TNFRSF13C: variants seen among roughly 807,000 people sequenced by gnomAD.
The protein encoded by TNFRSF13C is TNF receptor superfamily member 13C, also known as tumor necrosis factor receptor superfamily member 13C.
A neutral mutation model predicts 12.1 loss-of-function variants in TNFRSF13C; 7 were observed. The ratio of observed to expected loss-of-function variants is 0.58; its 90% CI spans 0.33 to 1.08. The LOEUF is 1.08. TNFRSF13C is among the 50% of genes least tolerant of loss of function. TNFRSF13C has a pLI of 0.04. For synonymous variants in TNFRSF13C, 157 were observed against 130.8 expected, an observed-to-expected ratio of 1.20 and a Z score of -1.37; for missense variants, 260 against 265.9, an observed-to-expected ratio of 0.98 and a Z score of 0.15.
Position 41,925,356 on chromosome 22 carries a change from C to T in TNFRSF13C, c.*11G>A. 2 of 1,594,548 alleles carry T rather than the reference C, an allele frequency of 1.3e-6. No homozygotes were observed. The highest frequency in any genetic ancestry group is 8.5e-7 in the Non-Finnish European group (1 of 1,173,494). ...GAGGGAGGGCAGGGGCCACCTCCTG[C>T]CGGCTCCCTGCTATTGTTGCTCAGG... On this transcript the variant is annotated 3_prime_UTR_variant, in exon 3 of 3. Coordinates refer to ENST00000291232, the MANE Select transcript of TNFRSF13C (RefSeq NM_052945.4).
rs1023697688 is a variant in TNFRSF13C at position 41,922,210 on chromosome 22, C to A, written c.*3157G>T. 1 of 152,238 alleles carries A rather than the reference C, an allele frequency of 6.6e-6. No individual in the cohort carries two copies. Among genetic ancestry groups the A allele is most frequent in the Non-Finnish European group, 1.5e-5 (1 of 68,046 alleles). 9.4% of individuals were successfully genotyped at this position (152,238 alleles called of 1,614,324 possible). A position where few individuals can be genotyped will look rare whatever the true frequency, so the allele number is the denominator to read the frequency against. On this transcript the variant is annotated 3_prime_UTR_variant, in exon 3 of 3. Transcript: ENST00000291232. ...CGGGTCATTTCTTCCCTGACTACAT[C>A]ATGGATTCCGGTCCAGAACTTCCAG... is the stretch of plus-strand genomic sequence containing the variant.
In TNFRSF13C at chr22:41,926,021, C is replaced by T; in HGVS notation, c.367+80G>A. On this transcript the variant is annotated intron_variant, in intron 2 of 2. Coordinates refer to ENST00000291232, the MANE Select transcript of TNFRSF13C (RefSeq NM_052945.4). This position sits in a 1 kb window ranked among gnomAD's most constrained non-coding sequence, Gnocchi z 4.9. ...AAGCCCTTCTCTCCCCCTCAGGGGC[C>T]ATGCATCTCCCCCTAGACCGTCCCG... 1 of 1,554,144 alleles carries T rather than the reference C, an allele frequency of 6.4e-7. No homozygotes were observed. The highest frequency in any genetic ancestry group is 1.1e-5 in the South Asian group (1 of 88,404).
At position 41,926,157 on chromosome 22, in the gene TNFRSF13C, C is replaced by G; in HGVS notation, c.311G>C (p.Arg104Pro). ...VLVGLVSWRR[R>P]QRRLRGASSA... ...GGACGCGCCGCGAAGCCGCCGCTGT[C>G]GCCGCCTCCAGCTCACCAGACCCAC... Residue 104 changes from arginine to proline, a missense_variant, in exon 2 of 3, where the codon CGA becomes CCA. By Grantham distance (103) the Arg-to-Pro change is moderately radical (BLOSUM62 -2). Transcript: ENST00000291232. The surrounding 1 kb of genome is among the most constrained non-coding windows in gnomAD (Gnocchi z 4.9). 2 of 1,611,814 alleles carry G rather than the reference C, an allele frequency of 1.2e-6. No homozygotes were observed. Among genetic ancestry groups the G allele is most frequent in the South Asian group, 1.1e-5 (1 of 91,054 alleles).
rs1249259381 is a variant in TNFRSF13C at position 41,924,006 on chromosome 22, C to G, written c.*1361G>C. 1.3e-5 allele frequency: 2 copies of G among 152,128 alleles called. No individual in the cohort carries two copies. The highest frequency in any genetic ancestry group is 6.5e-5 in the Admixed American group (1 of 15,268). 9.4% of individuals were successfully genotyped at this position (152,128 alleles called of 1,614,324 possible). A position where few individuals can be genotyped will look rare whatever the true frequency, so the allele number is the denominator to read the frequency against. The stretch of plus-strand genomic sequence containing the variant: ...GTACTAAATCCCAAAGCAAGCGAAC[C>G]CATGAATTGATTATTCACTGCTGCC... On this transcript the variant is annotated 3_prime_UTR_variant, in exon 3 of 3. Coordinates refer to ENST00000291232, the MANE Select transcript of TNFRSF13C (RefSeq NM_052945.4).
Position 41,926,338 on chromosome 22 carries a change from C to T in TNFRSF13C, c.137-7G>A. ...GCAGGGCTGCTGGCCCCGGCTGCTT[C>T]GGGAGGGGACAGGGAGGGAGGCCAG... On this transcript the variant is annotated splice_region_variant and splice_polypyrimidine_tract_variant and intron_variant, in intron 1 of 2. Coordinates refer to ENST00000291232, the MANE Select transcript of TNFRSF13C (RefSeq NM_052945.4). The surrounding 1 kb of genome is among the most constrained non-coding windows in gnomAD (Gnocchi z 4.9). 8.6e-7 allele frequency: 1 copy of T among 1,160,216 alleles called. No homozygotes were observed. Among genetic ancestry groups the T allele is most frequent in the South Asian group, 1.7e-5 (1 of 59,572 alleles). 71.9% of individuals were successfully genotyped at this position (1,160,216 alleles called of 1,614,324 possible).
In TNFRSF13C at chr22:41,922,781, G is replaced by A. The variant is rs925795327; in HGVS notation, c.*2586C>T. ...GAGATGGGGTGTCAAGAGAAGATGGGGTGGGAGATGGGGTGGCCAGGAGAA... is the reference window on the plus strand; with the variant it reads ...GAGATGGGGTGTCAAGAGAAGATGGAGTGGGAGATGGGGTGGCCAGGAGAA... On this transcript the variant is annotated 3_prime_UTR_variant, in exon 3 of 3. Transcript: ENST00000291232. The A allele has an allele frequency of 2.5e-4, 37 of 148,654 alleles. No homozygotes were observed. The highest frequency in any genetic ancestry group is 3.5e-3 in the Middle Eastern group (1 of 284). 9.2% of individuals were successfully genotyped at this position (148,654 alleles called of 1,614,324 possible). A position where few individuals can be genotyped will look rare whatever the true frequency, so the allele number is the denominator to read the frequency against.
rs1033458059 is a variant in TNFRSF13C at position 41,926,586 on chromosome 22, C to A, written c.136+52G>T. The A allele has an allele frequency of 2.2e-6, 3 of 1,380,922 alleles. No homozygotes were observed. Among genetic ancestry groups the A allele is most frequent in the Non-Finnish European group, 2.8e-6 (3 of 1,072,476 alleles). The allele number at this position is 1,380,922 out of a possible 1,614,324, so 85.5% of individuals were successfully genotyped here. On this transcript the variant is annotated intron_variant, in intron 1 of 2. Transcript: ENST00000291232. This position sits in a 1 kb window ranked among gnomAD's most constrained non-coding sequence, Gnocchi z 4.9. ...TCTGCCTGCGCCCTGGCGATCGGGGCCCCGTTCTCCCCGCAGCTGCCGGCG... is the reference window on the plus strand; with the variant it reads ...TCTGCCTGCGCCCTGGCGATCGGGGACCCGTTCTCCCCGCAGCTGCCGGCG...
In TNFRSF13C at chr22:41,923,272, C is replaced by T. The variant is rs9607855; in HGVS notation, c.*2095G>A. On this transcript the variant is annotated 3_prime_UTR_variant, in exon 3 of 3. Coordinates refer to ENST00000291232, the MANE Select transcript of TNFRSF13C (RefSeq NM_052945.4). ...GGGAAAACAGCACCCAGAACTCCAC[C>T]TTCTGACTCCTAGTCCAGTGCTCCC... 5.2e-4 allele frequency: 81 copies of T among 154,784 alleles called. No individual in the cohort carries two copies. Among genetic ancestry groups the T allele is most frequent in the Non-Finnish European group, 1.1e-3 (78 of 68,470 alleles). 9.6% of individuals were successfully genotyped at this position (154,784 alleles called of 1,614,324 possible).
chr22:41,926,477 G>T lies in TNFRSF13C; in HGVS notation c.137-146C>A. The T allele has an allele frequency of 8.8e-7, 1 of 1,131,702 alleles. No individual in the cohort carries two copies. Among genetic ancestry groups the T allele is most frequent in the Non-Finnish European group, 1.2e-6 (1 of 867,078 alleles). The allele number at this position is 1,131,702 out of a possible 1,614,324, so 70.1% of individuals were successfully genotyped here. On this transcript the variant is annotated intron_variant, in intron 1 of 2. Coordinates refer to ENST00000291232, the MANE Select transcript of TNFRSF13C (RefSeq NM_052945.4). This position sits in a 1 kb window ranked among gnomAD's most constrained non-coding sequence, Gnocchi z 4.9. ...GACAAGGGGAGGGAGAGAGGCGGCG[G>T]TGAGGGCCACGCGGTGATCGCGGGC...
Position 41,922,984 on chromosome 22 carries a change from A to G in TNFRSF13C, c.*2383T>C, listed in dbSNP as rs1408292522. ...GCTTGTCACTTGACCTCACCCTGTC[A>G]CCTGGCTCCCTGGGGGCAGGGGCAT... is the stretch of plus-strand genomic sequence containing the variant. On this transcript the variant is annotated 3_prime_UTR_variant, in exon 3 of 3. Transcript: ENST00000291232. 6.6e-6 allele frequency: 1 copy of G among 152,376 alleles called. No homozygotes were observed. Among genetic ancestry groups the G allele is most frequent in the Non-Finnish European group, 1.5e-5 (1 of 68,166 alleles). The allele number at this position is 152,376 out of a possible 1,614,324, so 9.4% of individuals were successfully genotyped here. A position where few individuals can be genotyped will look rare whatever the true frequency, so the allele number is the denominator to read the frequency against.
chr22:41,926,040 C>G lies in TNFRSF13C; in HGVS notation c.367+61G>C. 6.2e-7 allele frequency: 1 copy of G among 1,600,538 alleles called. No individual in the cohort carries two copies. Among genetic ancestry groups the G allele is most frequent in the Admixed American group, 1.7e-5 (1 of 59,450 alleles). On this transcript the variant is annotated intron_variant, in intron 2 of 2. Transcript: ENST00000291232. This position sits in a 1 kb window ranked among gnomAD's most constrained non-coding sequence, Gnocchi z 4.9. ...AGGGGCCATGCATCTCCCCCTAGACCGTCCCGACACCCCAGCCCCTGCGCC... is the reference window on the plus strand; with the variant it reads ...AGGGGCCATGCATCTCCCCCTAGACGGTCCCGACACCCCAGCCCCTGCGCC...
chr22:41,925,065 C>T lies in TNFRSF13C; in HGVS notation c.*302G>A. 3.7e-6 allele frequency: 1 copy of T among 269,804 alleles called. No individual in the cohort carries two copies. 16.7% of individuals were successfully genotyped at this position (269,804 alleles called of 1,614,324 possible). ...TCAGATTCATTTTGGCTTAATGGTG[C>T]CTTCCCCATTTTAAAAGCGGTCTTT... On this transcript the variant is annotated 3_prime_UTR_variant, in exon 3 of 3. Transcript: ENST00000291232.
Position 41,926,108 on chromosome 22 carries a change from G to T in TNFRSF13C, c.360C>A (p.Asp120Glu). 1 of 1,612,546 alleles carries T rather than the reference G, an allele frequency of 6.2e-7. No homozygotes were observed. Among genetic ancestry groups the T allele is most frequent in the Non-Finnish European group, 8.5e-7 (1 of 1,179,842 alleles). Reference sequence around the variant, plus strand: ...CCTACACACGGAACTCACCGTCCTTGTCTCCGTCGGGGGCCTCTGCGGAGG... The same window carrying T: ...CCTACACACGGAACTCACCGTCCTTTTCTCCGTCGGGGGCCTCTGCGGAGG... ...GASSAEAPDG[D>E]KDAPEPLDKV... Residue 120 changes from aspartate to glutamate, a missense_variant, in exon 2 of 3, where the codon GAC becomes GAA. Asp to Glu is a conservative substitution (Grantham distance 45, BLOSUM62 2). Transcript: ENST00000291232. This position sits in a 1 kb window ranked among gnomAD's most constrained non-coding sequence, Gnocchi z 4.9.
Position 41,926,031 on chromosome 22 carries a change from CCCCTAGACCGT to C in TNFRSF13C, c.367+59_367+69del. ...CTCCCCCTCAGGGGCCATGCATCTC[CCCCTAGACCGT>C]CCCGACACCCCAGCCCCTGCGCCCC... On this transcript the variant is annotated intron_variant, in intron 2 of 2. Coordinates refer to ENST00000291232, the MANE Select transcript of TNFRSF13C (RefSeq NM_052945.4). This position sits in a 1 kb window ranked among gnomAD's most constrained non-coding sequence, Gnocchi z 4.9. 6.3e-7 allele frequency: 1 copy of C among 1,589,558 alleles called. No individual in the cohort carries two copies. Among genetic ancestry groups the C allele is most frequent in the Non-Finnish European group, 8.6e-7 (1 of 1,163,250 alleles).
rs1335634043 is a variant in TNFRSF13C at position 41,925,457 on chromosome 22, G to C, written c.465C>G (p.Thr155=). 1.2e-6 allele frequency: 2 copies of C among 1,612,728 alleles called. No homozygotes were observed. Among genetic ancestry groups the C allele is most frequent in the African/African-American group, 2.7e-5 (2 of 74,898 alleles). The change falls in exon 3 of 3, where the codon ACC becomes ACG. Residue 155 remains threonine, a synonymous_variant. Coordinates refer to ENST00000291232, the MANE Select transcript of TNFRSF13C (RefSeq NM_052945.4). The part of the protein sequence containing the change: ...WPPPGEDPGT[T]PPGHSVPVPA... ...GCACAGGGACACTGTGGCCAGGTGG[G>C]GTGGTTCCTGGGTCTTCCCCAGGAG...
chr22:41,926,641 G>C lies in TNFRSF13C; in HGVS notation c.133C>G (p.Pro45Ala). The part of the protein sequence containing the change: ...CGLLRTPRPK[P>A]AGASSPAPRT... ...GCGCCCCGTGGGTCCCCCTTACCCGGTTTCGGCCGCGGCGTGCGCAGGAGC... is the reference window on the plus strand; with the variant it reads ...GCGCCCCGTGGGTCCCCCTTACCCGCTTTCGGCCGCGGCGTGCGCAGGAGC... Residue 45 changes from proline (P) to alanine (A), a missense_variant, in exon 1 of 3, where the codon CCG becomes GCG. Coordinates refer to ENST00000291232, the MANE Select transcript of TNFRSF13C (RefSeq NM_052945.4). This position sits in a 1 kb window ranked among gnomAD's most constrained non-coding sequence, Gnocchi z 4.9. 9.6e-6 allele frequency: 14 copies of C among 1,459,544 alleles called. No individual in the cohort carries two copies. Among genetic ancestry groups the C allele is most frequent in the Non-Finnish European group, 1.1e-5 (12 of 1,110,896 alleles). The allele number at this position is 1,459,544 out of a possible 1,614,324, so 90.4% of individuals were successfully genotyped here.
Position 41,926,714 on chromosome 22 carries a change from G to T in TNFRSF13C, c.60C>A (p.Val20=). The change falls in exon 1 of 3, where the codon GTC becomes GTA. Residue 20 remains valine (V), a synonymous_variant. Transcript: ENST00000291232. This position sits in a 1 kb window ranked among gnomAD's most constrained non-coding sequence, Gnocchi z 4.9. ...CCAGCAGGTCGAAGCACTCGGCCGGGACGCAGGGCGTGGGGGCTGGCGCGT... is the reference window on the plus strand; with the variant it reads ...CCAGCAGGTCGAAGCACTCGGCCGGTACGCAGGGCGTGGGGGCTGGCGCGT... ...GRDAPAPTPC[V]PAECFDLLVR... 1 of 1,449,046 alleles carries T rather than the reference G, an allele frequency of 6.9e-7. No homozygotes were observed. The highest frequency in any genetic ancestry group is 1.5e-5 in the African/African-American group (1 of 67,746). 89.8% of individuals were successfully genotyped at this position (1,449,046 alleles called of 1,614,324 possible). A position where few individuals can be genotyped will look rare whatever the true frequency, so the allele number is the denominator to read the frequency against.
Position 41,926,593 on chromosome 22 carries a change from C to A in TNFRSF13C, c.136+45G>T. On this transcript the variant is annotated intron_variant, in intron 1 of 2. Coordinates refer to ENST00000291232, the MANE Select transcript of TNFRSF13C (RefSeq NM_052945.4). This position sits in a 1 kb window ranked among gnomAD's most constrained non-coding sequence, Gnocchi z 4.9. ...GCGCCCTGGCGATCGGGGCCCCGTT[C>A]TCCCCGCAGCTGCCGGCGCCGCGCG... is the stretch of plus-strand genomic sequence containing the variant. 1.4e-6 allele frequency: 2 copies of A among 1,391,802 alleles called. No individual in the cohort carries two copies. The highest frequency in any genetic ancestry group is 1.9e-6 in the Non-Finnish European group (2 of 1,077,614). 86.2% of individuals were successfully genotyped at this position (1,391,802 alleles called of 1,614,324 possible).
In TNFRSF13C at chr22:41,925,084, G is replaced by C. The variant is rs541132930; in HGVS notation, c.*283C>G. The C allele has an allele frequency of 6.4e-6, 2 of 313,880 alleles. No individual in the cohort carries two copies. Among genetic ancestry groups the C allele is most frequent in the African/African-American group, 4.3e-5 (2 of 46,564 alleles). 19.4% of individuals were successfully genotyped at this position (313,880 alleles called of 1,614,324 possible). ...ATGGTGCCTTCCCCATTTTAAAAGC[G>C]GTCTTTTACTCATAGTGCCCCAGCC... On this transcript the variant is annotated 3_prime_UTR_variant, in exon 3 of 3. Coordinates refer to ENST00000291232, the MANE Select transcript of TNFRSF13C (RefSeq NM_052945.4).
Sources: allele counts gnomAD v4.1 joint callset, GRCh38; gene constraint gnomAD v4.1.1; non-coding constraint Gnocchi (gnomAD v3.1); transcripts MANE v1.5; gene names NCBI Gene and HGNC (gene_info 2026-07-23, HGNC 2026-07-21).